Variants in FRMPD4 observed in about 807,000 individuals in gnomAD.
FRMPD4 encodes FERM and PDZ domain-containing protein 4.
A neutral mutation model predicts 94.1 loss-of-function variants in FRMPD4; 22 were observed. That is an observed-to-expected ratio of 0.23 (90% CI 0.17 to 0.33). The LOEUF is 0.33. FRMPD4 is among the 10% of genes least tolerant of loss of function. The pLI is 1.00. For synonymous variants in FRMPD4, 631 were observed against 548.6 expected (o/e 1.15, Z -2.10); for missense variants, 1,111 against 1,339.9 (o/e 0.83, Z 2.67).
intron 3 of FRMPD4, among the ~76,000 whole-genome samples, chrX:11,907,932 C>T (rs2053976622): frequency 9.2e-6 from 1 of 109,275 alleles, no homozygotes; most frequent in Admixed American, 9.8e-5. Flanking sequence ...CTCTTCTTTC[C>T]TCCTCTTCCT....
At chrX:12,168,283 A>G (rs893152638) in intron 1 of FRMPD4, among the ~76,000 whole-genome samples, 1 of 109,374 alleles carries the variant, frequency 9.1e-6, no homozygotes, top group African/African-American at 3.3e-5. Flanking sequence ...ATAAACTTCA[A>G]CTGAGTTAAG....
chrX:11,871,897 G>T, intron 2 of FRMPD4, among the ~76,000 whole-genome samples: 1 of 112,108 alleles, frequency 8.9e-6, no homozygotes, highest in Non-Finnish European at 1.9e-5. Flanking sequence ...CTCAAACCTT[G>T]TGGGGAGGGA....
intron 3 of FRMPD4, among the ~76,000 whole-genome samples, chrX:12,076,791 T>C (rs2055022819): frequency 1.8e-5 from 2 of 111,202 alleles, no homozygotes; most frequent in Admixed American, 9.6e-5. Flanking sequence ...CTTGCTCAAA[T>C]TCCACAAAAC....
chrX:11,865,791 G>T (rs888191222), intron 2 of FRMPD4, among the ~76,000 whole-genome samples: 1 of 111,706 alleles, frequency 9.0e-6, no homozygotes, highest in African/African-American at 3.3e-5. Flanking sequence ...TTTCTAAATG[G>T]ATATCCAACT....
chrX:12,617,855 T>C (rs899988501), intron 4 of FRMPD4, among the ~76,000 whole-genome samples: 1 of 111,777 alleles, frequency 8.9e-6, no homozygotes, highest in African/African-American at 3.3e-5. Context: ...TGTTTCTTGG[T>C]GGATTATTTT....
chrX:12,716,262 T>C lies in FRMPD4; in HGVS notation c.1803T>C (p.Tyr601=), dbSNP rs779596588. The change falls in exon 15 of 17, where the codon TAT becomes TAC. Residue 601 remains tyrosine (Y), a synonymous_variant. Transcript: ENST00000675598. ...GGCACTTGTACATAGACAATGCCTA[T>C]AGTTCAGATGGACTTAACCAGCAGC... The part of the protein sequence containing the change: ...EHRHLYIDNA[Y]SSDGLNQQLS... 8.3e-7 allele frequency: 1 copy of C among 1,210,699 alleles called. No homozygotes were observed. Among genetic ancestry groups the C allele is most frequent in the Non-Finnish European group, 1.1e-6 (1 of 894,467 alleles).
intron 3 of FRMPD4, among the ~76,000 whole-genome samples, chrX:12,034,019 C>T (rs1300952655): frequency 1.8e-5 from 2 of 112,730 alleles, no homozygotes; most frequent in Non-Finnish European, 3.8e-5. Context: ...TTAAGCCAAG[C>T]ATTTTGGATT....
chrX:12,176,539 T>C lies in FRMPD4; in HGVS notation c.41+37527T>C, dbSNP rs188518303. Among the ~76,000 whole-genome samples, 488 of 112,528 alleles carry C rather than the reference T, an allele frequency of 4.3e-3. 4 individuals are homozygous for C. Among genetic ancestry groups the C allele is most frequent in the African/African-American group, 0.015 (467 of 31,050 alleles). On this transcript the variant is annotated intron_variant, in intron 1 of 16. Transcript: ENST00000675598. ...TCTGTATAATTAAAATCAAATCTAG[T>C]ATACATTCAGTAATTAAGTCAAATT...
At chrX:12,056,399 A>C (rs774634284) in intron 3 of FRMPD4, among the ~76,000 whole-genome samples, 3 of 112,055 alleles carry the variant, frequency 2.7e-5, no homozygotes, top group African/African-American at 6.5e-5. Flanking sequence ...CTACAGTCAA[A>C]CAAGGTAGGT....
At chrX:12,542,305 G>C (rs763137236) in intron 2 of FRMPD4, among the ~76,000 whole-genome samples, 5 of 112,042 alleles carry the variant, frequency 4.5e-5, no homozygotes, top group Non-Finnish European at 9.4e-5. Context: ...AATTGTCCCT[G>C]TTTGCAGATT....
chrX:12,344,946 T>C (rs1014268744), intron 1 of FRMPD4, among the ~76,000 whole-genome samples: 1 of 112,386 alleles, frequency 8.9e-6, no homozygotes, highest in African/African-American at 3.2e-5. Flanking sequence ...TCAAACTCCT[T>C]CAAGCTTTTT....
intron 1 of FRMPD4, among the ~76,000 whole-genome samples, chrX:12,484,361 G>C (rs909735689): frequency 8.9e-6 from 1 of 111,866 alleles, no homozygotes; most frequent in African/African-American, 3.3e-5. Context: ...TGTGCCATTG[G>C]GTTGTATGCA....
At chrX:12,512,008 A>G in intron 2 of FRMPD4, among the ~76,000 whole-genome samples, 1 of 112,228 alleles carries the variant, frequency 8.9e-6, no homozygotes, top group Admixed American at 9.4e-5. Context: ...AGAAATTGCC[A>G]CAGCCACCCA....
rs973932574 is a variant in FRMPD4, at chrX:11,863,856, G to C, written c.-160-1230G>C. Among the ~76,000 whole-genome samples, 3 of 111,853 alleles carry C rather than the reference G, an allele frequency of 2.7e-5. 1 individual carries two copies. The Admixed American group carries it at 2.9e-4, about 11-fold the overall frequency. ...TTTGGCATGGCCATACAATGTCTTAGCTTACAGTGCTCCTTCTTTGAATAA... is the reference window on the plus strand; with the variant it reads ...TTTGGCATGGCCATACAATGTCTTACCTTACAGTGCTCCTTCTTTGAATAA... On this transcript the variant is annotated intron_variant, in intron 1 of 18. Transcript: ENST00000640291.
intron 2 of FRMPD4, among the ~76,000 whole-genome samples, chrX:12,566,411 ATGT>A (rs910456540): frequency 1.8e-4 from 20 of 111,400 alleles, no homozygotes; most frequent in Non-Finnish European, 3.2e-4. Context: ...ATCATTTCTG[ATGT>A]TACCACCATG....
chrX:11,896,892 C>T (rs888059571), intron 3 of FRMPD4, among the ~76,000 whole-genome samples: 2 of 111,425 alleles, frequency 1.8e-5, no homozygotes, highest in African/African-American at 6.5e-5. Flanking sequence ...AGGTCTGGTA[C>T]AAAGCCTGGG....
At chrX:11,851,774 G>T (rs934443446) in intron 1 of FRMPD4, among the ~76,000 whole-genome samples, 1 of 111,152 alleles carries the variant, frequency 9.0e-6, no homozygotes, top group African/African-American at 3.3e-5. Flanking sequence ...AAAGACCTAA[G>T]AAATGAATTT....
chrX:11,846,005 A>T (rs1366354101), intron 1 of FRMPD4, among the ~76,000 whole-genome samples: 1 of 102,969 alleles, frequency 9.7e-6, no homozygotes, highest in Non-Finnish European at 2.0e-5. Context: ...CTCCTATTCA[A>T]CATAGTGTTG....
chrX:12,606,421 A>G (rs1336971150), intron 2 of FRMPD4, among the ~76,000 whole-genome samples: 1 of 111,921 alleles, frequency 8.9e-6, no homozygotes, highest in Non-Finnish European at 1.9e-5. Context: ...CCCATCCCAG[A>G]TATTCTGATA....
Sources: allele counts gnomAD v4.1 joint callset (sites outside exome capture counted in the v4.1 genomes callset), GRCh38; gene constraint gnomAD v4.1.1; transcripts MANE v1.5; gene names NCBI Gene and HGNC (gene_info 2026-07-23, HGNC 2026-07-21).